AVEN: variants seen among roughly 807,000 people sequenced by gnomAD.
AVEN encodes cell death regulator Aven.
AVEN carries 41 observed loss-of-function variants against 38.1 expected under a neutral mutation model. The observed-to-expected ratio is 1.08, with a 90% CI of 0.84 to 1.40. The LOEUF (loss-of-function observed/expected upper bound fraction) is 1.40. AVEN is among the 40% of genes most tolerant of loss of function. AVEN has a pLI of 0.00. For synonymous variants in AVEN, 206 were observed against 171.8 expected (o/e 1.20, Z -1.56); for missense variants, 605 against 438.8 (o/e 1.38, Z -3.38).
At chr15:33,875,571 G>C (rs921611694) in intron 3 of AVEN, among the ~76,000 whole-genome samples, 4 of 152,314 alleles carry the variant, frequency 2.6e-5, no homozygotes, top group African/African-American at 7.2e-5. Context: ...AACAGTGAGA[G>C]ACAGAAAACT....
intron 2 of AVEN, among the ~76,000 whole-genome samples, chr15:33,905,976 A>G (rs10152468): frequency 0.46 from 69,513 of 151,956 alleles, 17,607 homozygotes; most frequent in East Asian, 0.59. Context: ...CTATTTCTAG[A>G]TTTTCTCAGT....
At chr15:33,910,737 G>A (rs1247444805) in intron 2 of AVEN, among the ~76,000 whole-genome samples, 1 of 152,130 alleles carries the variant, frequency 6.6e-6, no homozygotes, top group Non-Finnish European at 1.5e-5. Flanking sequence ...ATGGGCCAAC[G>A]GACACTCTGG....
chr15:33,913,815 A>G (rs1893012214), intron 2 of AVEN, among the ~76,000 whole-genome samples: 1 of 152,234 alleles, frequency 6.6e-6, no homozygotes, highest in Non-Finnish European at 1.5e-5. Flanking sequence ...CCTTGAACCA[A>G]TGAAAAGACC....
At position 33,869,152 on chromosome 15, in the gene AVEN, A is replaced by C. The variant is rs181453666; in HGVS notation, c.613-1297T>G. On this transcript the variant is annotated intron_variant, in intron 4 of 5. Transcript: ENST00000306730. ...GTCAGTTGTACAGGGCAAAGCTGGG[A>C]CATGGTCCTCTATTCTAATCTTAGA... 1.7e-3 allele frequency among the ~76,000 whole-genome samples: 255 copies of C among 152,320 alleles called. 1 individual carries two copies. The highest frequency in any genetic ancestry group is 7.3e-3 in the Admixed American group (111 of 15,294).
At chr15:33,856,647 G>GT (rs60494844), downstream of AVEN, 30 of 154,012 alleles carry the variant, frequency 1.9e-4, no homozygotes, top group Non-Finnish European at 3.4e-4. Context: ...GAACCTTTGG[G>GT]TTTTTTGTTT....
rs533788693 is a variant in AVEN, at chr15:33,899,460, C to CTTTTTTTTTTTTTTTTTTTTT, written c.446-23486_446-23466dup. ...TACATTTATTTGCTTCAGGGAAAAC[C>CTTTTTTTTTTTTTTTTTTTTT]TTTTTTTTTTTTTTTTTTTTTTTTT... On this transcript the variant is annotated intron_variant, in intron 2 of 5. Transcript: ENST00000306730. 5.1e-3 allele frequency among the ~76,000 whole-genome samples: 331 copies of CTTTTTTTTTTTTTTTTTTTTT among 65,430 alleles called. 38 individuals carry two copies. Among genetic ancestry groups the CTTTTTTTTTTTTTTTTTTTTT allele is most frequent in the Non-Finnish European group, 7.2e-3 (251 of 35,022 alleles). 42.9% of individuals were successfully genotyped at this position (65,430 alleles called of 152,430 possible).
At chr15:33,936,903 G>A (rs572407060) in intron 2 of AVEN, among the ~76,000 whole-genome samples, 20 of 152,136 alleles carry the variant, frequency 1.3e-4, no homozygotes, top group African/African-American at 4.1e-4. Flanking sequence ...AGGCCGAGGC[G>A]GGCGGATCAC....
In AVEN at chr15:34,046,306, G is replaced by A. The variant is rs539072456; in HGVS notation, n.1637+16616C>T. On this transcript the variant is annotated intron_variant and non_coding_transcript_variant, in intron 5 of 11. Transcript: ENST00000675287. Reference sequence around the variant, plus strand: ...TGGAAAGATCTGTCCAGCAGCCTAGGAATCAGGAAAAGTTATTCTCCCAAA... The same window carrying A: ...TGGAAAGATCTGTCCAGCAGCCTAGAAATCAGGAAAAGTTATTCTCCCAAA... 1.2e-3 allele frequency among the ~76,000 whole-genome samples: 158 copies of A among 137,160 alleles called. 1 individual carries two copies. Among genetic ancestry groups the A allele is most frequent in the Admixed American group, 1.2e-3 (16 of 13,048 alleles). 90.0% of individuals were successfully genotyped at this position (137,160 alleles called of 152,430 possible).
intron 2 of AVEN, among the ~76,000 whole-genome samples, chr15:33,951,251 G>C (rs764165876): frequency 6.6e-6 from 1 of 152,084 alleles, no homozygotes; most frequent in Non-Finnish European, 1.5e-5. Flanking sequence ...AGTCTCTCAG[G>C]TACGCTTCCT....
At chr15:33,948,101 CTTTT>C (rs149409619) in intron 2 of AVEN, among the ~76,000 whole-genome samples, 3 of 139,626 alleles carry the variant, frequency 2.1e-5, no homozygotes, top group Admixed American at 7.3e-5. Context: ...TTTTTCTTTT[CTTTT>C]TTTTTTTTTT....
At chr15:33,852,450 A>C in the AVEN span, 1 of 154,312 alleles carries the variant, frequency 6.5e-6, no homozygotes, top group African/African-American at 2.4e-5. Flanking sequence ...CCAAAAAAGA[A>C]AGGGATCCAA....
At chr15:33,886,978 C>A (rs540297915) in intron 2 of AVEN, among the ~76,000 whole-genome samples, 3 of 152,150 alleles carry the variant, frequency 2.0e-5, no homozygotes, top group African/African-American at 7.2e-5. Flanking sequence ...GAAAAGGGGG[C>A]AGAAGGCATG....
downstream of AVEN, chr15:33,864,200 A>C (rs1194206001): frequency 1.2e-6 from 2 of 1,603,456 alleles, no homozygotes; most frequent in African/African-American, 1.3e-5. Context: ...GTGAGAAATT[A>C]AGAATCATAT....
At chr15:34,022,386 C>G (rs568393997) in intron 1 of AVEN, among the ~76,000 whole-genome samples, 1 of 152,298 alleles carries the variant, frequency 6.6e-6, no homozygotes, top group East Asian at 1.9e-4. Flanking sequence ...AGGAAGCTCT[C>G]CCAACATTAG....
intron 1 of AVEN, among the ~76,000 whole-genome samples, chr15:34,004,025 T>C (rs189176665): frequency 1.5e-3 from 221 of 152,350 alleles, no homozygotes; most frequent in Non-Finnish European, 2.5e-3. Flanking sequence ...TCAGGTACTC[T>C]CTTAGCACTC....
At chr15:34,037,663 T>TC (rs1899210751) in intron 1 of AVEN, among the ~76,000 whole-genome samples, 1 of 151,598 alleles carries the variant, frequency 6.6e-6, no homozygotes, top group Admixed American at 6.6e-5. Flanking sequence ...CGAGGTAAAC[T>TC]GACCCTAAAA....
At chr15:33,876,450 T>A (rs1891235423) in intron 2 of AVEN, among the ~76,000 whole-genome samples, 1 of 133,336 alleles carries the variant, frequency 7.5e-6, no homozygotes, top group Non-Finnish European at 1.8e-5. Context: ...CACGTGCCTA[T>A]AATCCCACCT....
chr15:33,994,602 G>C (rs1432094611), intron 2 of AVEN, among the ~76,000 whole-genome samples: 1 of 152,184 alleles, frequency 6.6e-6, no homozygotes, highest in Non-Finnish European at 1.5e-5. Context: ...CTTTAAGGGT[G>C]AAAGTGCTAG....
chr15:33,867,198 G>A (rs1890623966), intron 5 of AVEN, among the ~76,000 whole-genome samples: 1 of 152,210 alleles, frequency 6.6e-6, no homozygotes, highest in Non-Finnish European at 1.5e-5. Flanking sequence ...CCAAAAAGCT[G>A]AAGGCTACAG....
Sources: allele counts gnomAD v4.1 joint callset (sites outside exome capture counted in the v4.1 genomes callset), GRCh38; gene constraint gnomAD v4.1.1; transcripts MANE v1.5; gene names NCBI Gene and HGNC (gene_info 2026-07-23, HGNC 2026-07-21).